The following CACNB1 variants were observed in gnomAD, a reference collection of about 807,000 sequenced individuals.
The protein encoded by CACNB1 is voltage-dependent L-type calcium channel subunit beta-1.
CACNB1 carries 29 observed loss-of-function variants against 71.6 expected under a neutral mutation model. The ratio of observed to expected loss-of-function variants is 0.40; its 90% CI spans 0.30 to 0.55. The LOEUF (loss-of-function observed/expected upper bound fraction) is 0.55, where lower values mean the gene tolerates loss of function less well. CACNB1 is among the 20% of genes least tolerant of loss of function. The pLI is 0.38. For synonymous variants in CACNB1, 300 were observed against 319.6 expected, an observed-to-expected ratio of 0.94 and a Z score of 0.65; for missense variants, 623 against 801.8, an observed-to-expected ratio of 0.78 and a Z score of 2.69.
chr17:39,179,778 A>G (rs555808261), intron 11 of CACNB1, among the ~76,000 whole-genome samples: 2 of 152,036 alleles, frequency 1.3e-5, no homozygotes, highest in African/African-American at 4.8e-5. Flanking sequence ...GCGTGGTAGC[A>G]CATGCCTGTA....
intron 11 of CACNB1, among the ~76,000 whole-genome samples, chr17:39,180,455 G>A (rs1211091379): frequency 2.0e-5 from 3 of 151,914 alleles, no homozygotes; most frequent in Non-Finnish European, 4.4e-5. Flanking sequence ...GGGAGTTCGA[G>A]ACCAGCCTGG....
intron 11 of CACNB1, chr17:39,182,946 T>C (rs1315564117): frequency 1.0e-6 from 1 of 984,166 alleles, no homozygotes; most frequent in East Asian, 1.1e-4. Flanking sequence ...AAGCCCATGC[T>C]GTCTTCTAAC....
chr17:39,176,878 C>T (rs945360772), intron 13 of CACNB1, among the ~76,000 whole-genome samples: 6 of 152,156 alleles, frequency 3.9e-5, no homozygotes, highest in African/African-American at 1.4e-4. Context: ...GGAGTCAGGG[C>T]TCCAGGGAGG....
At position 39,188,302 on chromosome 17, in the gene CACNB1, G is replaced by A. The variant is rs1237851518; in HGVS notation, c.292-701C>T. Among the ~76,000 whole-genome samples, 12 of 152,008 alleles carry A rather than the reference G, an allele frequency of 7.9e-5. 1 individual carries two copies. The highest frequency in any genetic ancestry group is 5.8e-4 in the East Asian group (3 of 5,164). On this transcript the variant is annotated intron_variant, in intron 3 of 13. Coordinates refer to ENST00000394303, the MANE Select transcript of CACNB1 (RefSeq NM_000723.5). The stretch of plus-strand genomic sequence containing the variant: ...TGTCTAAAAAAAAAAAAGTCTGGGC[G>A]TGGTGGCTCACGCCTGTAATCCCAG...
intron 11 of CACNB1, chr17:39,182,836 G>T: frequency 2.4e-6 from 1 of 409,256 alleles, no homozygotes; most frequent in Non-Finnish European, 3.3e-6. Context: ...AAGAAATAGA[G>T]AATCAGAGGC....
At chr17:39,176,486 G>C (rs2045580604) in intron 13 of CACNB1, among the ~76,000 whole-genome samples, 1 of 152,196 alleles carries the variant, frequency 6.6e-6, no homozygotes, top group Admixed American at 6.5e-5. Context: ...CATTGGGTGG[G>C]AAGGGCACAG....
At chr17:39,176,916 CTGGCTCTG>C (rs1355088172) in intron 13 of CACNB1, among the ~76,000 whole-genome samples, 3 of 152,188 alleles carry the variant, frequency 2.0e-5, no homozygotes, top group Admixed American at 2.0e-4. Flanking sequence ...GTAGGTTTCC[CTGGCTCTG>C]AAGGCCCCTG....
Position 39,186,007 on chromosome 17 carries a change from A to G in CACNB1, c.628+489T>C. ...GTGGCGGGGTGGTGACACTGCTAACACTAGTCTTGGCAGAGCCACTCTGCT... is the reference window on the plus strand; with the variant it reads ...GTGGCGGGGTGGTGACACTGCTAACGCTAGTCTTGGCAGAGCCACTCTGCT... On this transcript the variant is annotated intron_variant, in intron 6 of 13. Coordinates refer to ENST00000394303, the MANE Select transcript of CACNB1 (RefSeq NM_000723.5). This position sits in a 1 kb window ranked among gnomAD's most constrained non-coding sequence, Gnocchi z 4.1. 1.9e-6 allele frequency: 3 copies of G among 1,613,794 alleles called. No individual in the cohort carries two copies. The highest frequency in any genetic ancestry group is 2.5e-6 in the Non-Finnish European group (3 of 1,179,914).
At chr17:39,188,323 C>A (rs2045990773) in intron 3 of CACNB1, among the ~76,000 whole-genome samples, 1 of 151,886 alleles carries the variant, frequency 6.6e-6, no homozygotes, top group Non-Finnish European at 1.5e-5. Context: ...CGCCTGTAAT[C>A]CCAGCATTTT....
intron 3 of CACNB1, among the ~76,000 whole-genome samples, chr17:39,188,185 A>C (rs2045985928): frequency 6.6e-6 from 1 of 152,136 alleles, no homozygotes; most frequent in African/African-American, 2.4e-5. Flanking sequence ...CAGGGGGCTG[A>C]GGCATGAGAA....
chr17:39,190,802 C>T (rs2046057080), intron 3 of CACNB1, among the ~76,000 whole-genome samples: 1 of 152,090 alleles, frequency 6.6e-6, no homozygotes, highest in African/African-American at 2.4e-5. Flanking sequence ...ACACACTTAA[C>T]ACATATTCTC....
intron 11 of CACNB1, among the ~76,000 whole-genome samples, chr17:39,179,194 G>A (rs1597686439): frequency 6.6e-6 from 1 of 151,450 alleles, no homozygotes; most frequent in Non-Finnish European, 1.5e-5. Context: ...TCAGGAGGCT[G>A]GGGCAGAAGA....
At chr17:39,180,680 AAAGAT>A (rs1031701463) in intron 11 of CACNB1, among the ~76,000 whole-genome samples, 2 of 152,100 alleles carry the variant, frequency 1.3e-5, no homozygotes, top group Non-Finnish European at 2.9e-5. Flanking sequence ...AGAGAGAAAG[AAAGAT>A]AAAAGTAAAT....
At chr17:39,189,224 G>A (rs1017744441) in intron 3 of CACNB1, among the ~76,000 whole-genome samples, 1 of 151,494 alleles carries the variant, frequency 6.6e-6, no homozygotes, top group Non-Finnish European at 1.5e-5. Flanking sequence ...TTAGCTGGGC[G>A]TGGTGGCACG....
chr17:39,191,418 C>A, intron 3 of CACNB1, 56 bp downstream of exon 3: 1 of 1,524,600 alleles, frequency 6.6e-7, no homozygotes, highest in Non-Finnish European at 8.8e-7. Flanking sequence ...GCTCTCTCTA[C>A]AGCCCAGGAC....
chr17:39,184,481 C>T lies in CACNB1; in HGVS notation c.730-98G>A. ...TGGGTATTTGTACCCTCACGTTCCACTTTCTTCTGGACAGGCCTTTACGGC... is the reference window on the plus strand; with the variant it reads ...TGGGTATTTGTACCCTCACGTTCCATTTTCTTCTGGACAGGCCTTTACGGC... On this transcript the variant is annotated intron_variant, in intron 8 of 13. Coordinates refer to ENST00000394303, the MANE Select transcript of CACNB1 (RefSeq NM_000723.5). 6.6e-6 allele frequency: 5 copies of T among 756,728 alleles called. No homozygotes were observed. In the Admixed American group the frequency reaches 1.0e-4, roughly 15 times the overall value. The allele number at this position is 756,728 out of a possible 1,614,324, so 46.9% of individuals were successfully genotyped here.
rs878882337 is a variant in CACNB1 at position 39,175,115 on chromosome 17, C to G, written c.*78G>C. ...AGACAGCGCCCCCTGGAGGCGAATA[C>G]ATGTCAGGTGTGAGCCCCTCGCTCC... is the stretch of plus-strand genomic sequence containing the variant. On this transcript the variant is annotated 3_prime_UTR_variant, in exon 14 of 14. Transcript: ENST00000394303. This position sits in a 1 kb window ranked among gnomAD's most constrained non-coding sequence, Gnocchi z 4.7. The G allele has an allele frequency of 4.3e-6, 5 of 1,170,022 alleles. No homozygotes were observed. The highest frequency in any genetic ancestry group is 1.5e-5 in the African/African-American group (1 of 65,342). 72.5% of individuals were successfully genotyped at this position (1,170,022 alleles called of 1,614,324 possible). A position where few individuals can be genotyped will look rare whatever the true frequency, so the allele number is the denominator to read the frequency against.
chr17:39,190,931 A>G (rs564922233), intron 3 of CACNB1, among the ~76,000 whole-genome samples: 24 of 151,912 alleles, frequency 1.6e-4, no homozygotes, highest in South Asian at 4.2e-4. Context: ...CAGGTCAGGC[A>G]CGGTGGCTCA....
rs748862570 is a variant in CACNB1, at chr17:39,186,479, A to G, written c.628+17T>C. On this transcript the variant is annotated intron_variant, in intron 6 of 13. Transcript: ENST00000394303. The surrounding 1 kb of genome is among the most constrained non-coding windows in gnomAD (Gnocchi z 4.1). Reference sequence around the variant, plus strand: ...CAGGAGCTTCTTCCCAAACCCCTGCATGGCGATGGCTCTTACCACTGGCAG... The same window carrying G: ...CAGGAGCTTCTTCCCAAACCCCTGCGTGGCGATGGCTCTTACCACTGGCAG... 1.9e-6 allele frequency: 3 copies of G among 1,603,650 alleles called. No homozygotes were observed. The highest frequency in any genetic ancestry group is 1.7e-4 in the Middle Eastern group (1 of 6,058).
Sources: gnomAD v4.1 joint callset for allele counts (sites outside exome capture counted in the v4.1 genomes callset) on GRCh38, gnomAD v4.1.1 for gene constraint, Gnocchi (gnomAD v3.1) non-coding constraint, MANE v1.5 for transcripts, NCBI Gene and HGNC (gene_info 2026-07-23, HGNC 2026-07-21) for gene names.